Variants in OGFOD3 observed in about 807,000 individuals in gnomAD.
OGFOD3 encodes 2-oxoglutarate and iron dependent oxygenase domain containing 3.
A neutral mutation model predicts 39.8 loss-of-function variants in OGFOD3; 35 were observed. The observed-to-expected ratio is 0.88, with a 90% CI of 0.67 to 1.17. The LOEUF (loss-of-function observed/expected upper bound fraction) is 1.17. OGFOD3 is among the 50% of genes most tolerant of loss of function. OGFOD3 has a pLI of 0.00. For synonymous variants in OGFOD3, 200 were observed against 192.0 expected (o/e 1.04, Z -0.34); for missense variants, 438 against 454.5 (o/e 0.96, Z 0.33).
chr17:82,403,822 G>A lies in OGFOD3; in HGVS notation c.699+115C>T, dbSNP rs546842124. ...ACGTACGCACTCACCCTGCCCACGG[G>A]CACGCTCACCTTGTCCACGAGCGCG... On this transcript the variant is annotated intron_variant, in intron 7 of 8. Coordinates refer to ENST00000313056, the MANE Select transcript of OGFOD3 (RefSeq NM_024648.3). The A allele has an allele frequency of 7.1e-6, 10 of 1,403,478 alleles. No homozygotes were observed. The African/African-American group carries it at 1.4e-4, about 20-fold the overall frequency. The allele number at this position is 1,403,478 out of a possible 1,614,324, so 86.9% of individuals were successfully genotyped here.
intron 2 of OGFOD3, among the ~76,000 whole-genome samples, chr17:82,411,854 C>T (rs189474486): frequency 6.6e-6 from 1 of 152,334 alleles, no homozygotes; most frequent in East Asian, 1.9e-4. Context: ...GTCCAGACAC[C>T]CACAGGCACC....
intron 7 of OGFOD3, chr17:82,401,445 G>C (rs1223786735): frequency 1.3e-5 from 2 of 151,860 alleles, no homozygotes; most frequent in Admixed American, 1.3e-4. Context: ...CCCGGCCCTG[G>C]GTTTACCATT....
chr17:82,416,072 C>CA (rs762503039), intron 1 of OGFOD3, among the ~76,000 whole-genome samples: 13,752 of 140,278 alleles, frequency 0.098, 766 homozygotes, highest in African/African-American at 0.18. Context: ...CTACTAAATA[C>CA]AAAAAAAAAA....
chr17:82,413,166 G>A (rs1332697899), intron 2 of OGFOD3, among the ~76,000 whole-genome samples: 1 of 152,198 alleles, frequency 6.6e-6, no homozygotes, highest in Non-Finnish European at 1.5e-5. Flanking sequence ...CCCACAAAAC[G>A]CGAGGACACA....
At chr17:82,409,544 G>A in intron 3 of OGFOD3, 134 bp from the exon 4 acceptor site, 1 of 797,234 alleles carries the variant, frequency 1.3e-6, no homozygotes, top group East Asian at 2.6e-5. Context: ...GTAAACAAAT[G>A]TTTAGACCAA....
At chr17:82,409,626 G>A (rs1206223794) in intron 3 of OGFOD3, among the ~76,000 whole-genome samples, 1 of 152,218 alleles carries the variant, frequency 6.6e-6, no homozygotes, top group South Asian at 2.1e-4. Flanking sequence ...ATTTGACTCA[G>A]CTTAGAAACG....
In OGFOD3 at chr17:82,392,426, T is replaced by C. The variant is rs770203468; in HGVS notation, c.932A>G (p.His311Arg). The change falls in exon 9 of 9, where the codon CAT becomes CGT. Residue 311 changes from histidine (H) to arginine (R), a missense_variant. Transcript: ENST00000313056. This position sits in a 1 kb window ranked among gnomAD's most constrained non-coding sequence, Gnocchi z 4.2. ...CGGGAACGCTGGGTCCTCGATGCCATGGTCGGGGTTGCAGCTGAAGGCGAT... is the reference window on the plus strand; with the variant it reads ...CGGGAACGCTGGGTCCTCGATGCCACGGTCGGGGTTGCAGCTGAAGGCGAT... Reference protein sequence around the residue: ...ITIAFSCNPDHGIEDPAFP With the variant: ...ITIAFSCNPDRGIEDPAFP The C allele has an allele frequency of 1.9e-6, 3 of 1,612,506 alleles. No homozygotes were observed. Among genetic ancestry groups the C allele is most frequent in the Non-Finnish European group, 2.5e-6 (3 of 1,179,646 alleles).
At chr17:82,403,891 T>C in intron 7 of OGFOD3, 46 bp downstream of exon 7, 1 of 1,561,904 alleles carries the variant, frequency 6.4e-7, no homozygotes, top group East Asian at 2.3e-5. Flanking sequence ...ACGGGCACGC[T>C]CACCTTGTCC....
In OGFOD3 at chr17:82,392,156, T is replaced by C. The variant is rs2052605073; in HGVS notation, c.*242A>G. On this transcript the variant is annotated 3_prime_UTR_variant, in exon 9 of 9. Transcript: ENST00000313056. This position sits in a 1 kb window ranked among gnomAD's most constrained non-coding sequence, Gnocchi z 4.2. ...CTTGTGCCCCGTCCTGCTGGGTCCC[T>C]TTCCTGGCCTCCACCTCAGGCTCCC... 4 of 570,454 alleles carry C rather than the reference T, an allele frequency of 7.0e-6. No individual in the cohort carries two copies. Among genetic ancestry groups the C allele is most frequent in the Admixed American group, 3.1e-5 (1 of 31,912 alleles). 35.3% of individuals were successfully genotyped at this position (570,454 alleles called of 1,614,324 possible).
intron 4 of OGFOD3, among the ~76,000 whole-genome samples, chr17:82,409,088 C>G (rs2052902432): frequency 6.6e-6 from 1 of 152,246 alleles, no homozygotes; most frequent in South Asian, 2.1e-4. Flanking sequence ...GCTTCCGACC[C>G]CCTCTATCCC....
intron 8 of OGFOD3, among the ~76,000 whole-genome samples, chr17:82,397,483 C>T (rs2143202140): frequency 6.6e-6 from 1 of 151,058 alleles, no homozygotes; most frequent in Admixed American, 6.6e-5. Flanking sequence ...CCACAGGGCT[C>T]CCAAGCCTAT....
At chr17:82,417,668 A>G (rs1462938641) in intron 1 of OGFOD3, among the ~76,000 whole-genome samples, 1 of 151,860 alleles carries the variant, frequency 6.6e-6, no homozygotes, top group Non-Finnish European at 1.5e-5. Context: ...GGCATTTAAG[A>G]TCCTATCTAG....
At chr17:82,402,119 GCTTTA>G (rs2052777184) in intron 7 of OGFOD3, among the ~76,000 whole-genome samples, 2 of 152,094 alleles carry the variant, frequency 1.3e-5, no homozygotes, top group African/African-American at 4.8e-5. Flanking sequence ...TATTAGCCGT[GCTTTA>G]CTTTTATCTT....
Position 82,406,353 on chromosome 17 carries a change from T to C in OGFOD3, c.488+65A>G. On this transcript the variant is annotated intron_variant, in intron 5 of 8. Coordinates refer to ENST00000313056, the MANE Select transcript of OGFOD3 (RefSeq NM_024648.3). The surrounding 1 kb of genome is among the most constrained non-coding windows in gnomAD (Gnocchi z 5.2). The stretch of plus-strand genomic sequence containing the variant: ...GTCCACGTGTCCACATGTCCATGGC[T>C]AAGAGGCACGGAGCCGCTCACTCGG... The C allele has an allele frequency of 6.9e-7, 1 of 1,454,550 alleles. No individual in the cohort carries two copies. The highest frequency in any genetic ancestry group is 1.4e-5 in the African/African-American group (1 of 71,860). The allele number at this position is 1,454,550 out of a possible 1,614,324, so 90.1% of individuals were successfully genotyped here. A position where few individuals can be genotyped will look rare whatever the true frequency, so the allele number is the denominator to read the frequency against.
In OGFOD3 at chr17:82,406,623, T is replaced by A; in HGVS notation, c.424-141A>T. ...TTTTTGTTTTTGTTTTTGTTTTTTG[T>A]AAAAAGGATCTTATTCTGTTGCCCA... On this transcript the variant is annotated intron_variant, in intron 4 of 8. Transcript: ENST00000313056. The surrounding 1 kb of genome is among the most constrained non-coding windows in gnomAD (Gnocchi z 5.2). The A allele has an allele frequency of 1.4e-6, 1 of 727,134 alleles. No homozygotes were observed. Among genetic ancestry groups the A allele is most frequent in the Non-Finnish European group, 2.4e-6 (1 of 414,926 alleles). The allele number at this position is 727,134 out of a possible 1,614,324, so 45.0% of individuals were successfully genotyped here.
In OGFOD3 at chr17:82,415,360, ACT is replaced by A. The variant is rs1435432862; in HGVS notation, c.304+36_304+37del. 13 of 1,585,534 alleles carry A rather than the reference ACT, an allele frequency of 8.2e-6. No homozygotes were observed. Among genetic ancestry groups the A allele is most frequent in the Non-Finnish European group, 9.5e-6 (11 of 1,157,002 alleles). ...GTCGCAGCCAATGTCCTTTAACCAC[ACT>A]GAGTCTCATTTTAAAGTGTTGCTTT... On this transcript the variant is annotated intron_variant, in intron 2 of 8. Transcript: ENST00000313056. This position sits in a 1 kb window ranked among gnomAD's most constrained non-coding sequence, Gnocchi z 5.3.
At chr17:82,405,180 T>TGCTCCATGAGAACTCAC in intron 6 of OGFOD3, 144 bp downstream of exon 6, 1 of 680,978 alleles carries the variant, frequency 1.5e-6, no homozygotes. Context: ...CCCCGGCCTT[T>TGCTCCATGAGAACTCAC]GCTCCATGAG....
At chr17:82,398,166 C>A in intron 8 of OGFOD3, 30 bp downstream of exon 8, 1 of 1,613,358 alleles carries the variant, frequency 6.2e-7, no homozygotes. Flanking sequence ...GCCAGGAGCC[C>A]CACGCCCAGG....
intron 3 of OGFOD3, 44 bp downstream of exon 3, chr17:82,411,411 G>C (rs545511516): frequency 3.9e-6 from 6 of 1,558,330 alleles, no homozygotes; most frequent in South Asian, 1.1e-5. Flanking sequence ...CCCACTCCGC[G>C]TGTGTTTGTT....
Sources: allele counts gnomAD v4.1 joint callset (sites outside exome capture counted in the v4.1 genomes callset), GRCh38; gene constraint gnomAD v4.1.1; non-coding constraint Gnocchi (gnomAD v3.1); transcripts MANE v1.5; gene names NCBI Gene and HGNC (gene_info 2026-07-23, HGNC 2026-07-21).